Variants in TRIM23 observed in about 807,000 individuals in gnomAD.
The protein encoded by TRIM23 is tripartite motif containing 23.
A neutral mutation model predicts 71.0 loss-of-function variants in TRIM23; 27 were observed. The ratio of observed to expected loss-of-function variants is 0.38; its 90% CI spans 0.28 to 0.52. The LOEUF (loss-of-function observed/expected upper bound fraction) is 0.52. Among genes scored for constraint, TRIM23 ranks in the 20% least tolerant of loss-of-function variants. The pLI is 0.84. For missense variants in TRIM23, 482 were observed against 692.3 expected, an observed-to-expected ratio of 0.70 and a Z score of 3.41; for synonymous variants, 234 against 238.0, an observed-to-expected ratio of 0.98 and a Z score of 0.16.
In TRIM23 at chr5:65,597,142, C is replaced by T. The variant is rs1431229990; in HGVS notation, c.1218G>A (p.Arg406=). 6.8e-6 allele frequency: 11 copies of T among 1,613,978 alleles called. No individual in the cohort carries two copies. Among genetic ancestry groups the T allele is most frequent in the Non-Finnish European group, 9.3e-6 (11 of 1,179,996 alleles). ...CACCATCCAATCCTAACGTAACGAC[C>T]CGAATTTCCATTTTTGGTCCAATGT... ...RVHIGPKMEI[R]VVTLGLDGAG... The change falls in exon 8 of 11, where the codon CGG becomes CGA. Residue 406 remains arginine (R), a synonymous_variant. Transcript: ENST00000231524.
At chr5:65,607,838 T>C (rs1340299946) in intron 6 of TRIM23, among the ~76,000 whole-genome samples, 1 of 152,210 alleles carries the variant, frequency 6.6e-6, no homozygotes, top group African/African-American at 2.4e-5. Context: ...GTTAAACATG[T>C]ATTTATTAAG....
chr5:65,590,181 A>T lies in TRIM23; in HGVS notation c.*1588T>A. On this transcript the variant is annotated 3_prime_UTR_variant, in exon 11 of 11. Transcript: ENST00000231524. ...TAACTAGTAAACAGTTCAAGTTCTC[A>T]CAAGCAATACAACACCTTTTTTATT... 1.5e-6 allele frequency: 1 copy of T among 662,388 alleles called. No homozygotes were observed. The highest frequency in any genetic ancestry group is 2.5e-6 in the Non-Finnish European group (1 of 396,418). The allele number at this position is 662,388 out of a possible 1,614,324, so 41.0% of individuals were successfully genotyped here.
intron 4 of TRIM23, 34 bp downstream of exon 4, chr5:65,611,569 C>T (rs1754650414): frequency 6.3e-7 from 1 of 1,595,370 alleles, no homozygotes; most frequent in East Asian, 2.2e-5. Context: ...AAAGTAGCTA[C>T]AGTGATCCAA....
At chr5:65,605,869 A>C (rs1405836538) in intron 6 of TRIM23, among the ~76,000 whole-genome samples, 1 of 152,136 alleles carries the variant, frequency 6.6e-6, no homozygotes, top group Non-Finnish European at 1.5e-5. Context: ...ACAAACGCTG[A>C]AGTCATTATT....
At position 65,624,329 on chromosome 5, in the gene TRIM23, G is replaced by T; in HGVS notation, c.-55C>A. The T allele has an allele frequency of 1.9e-6, 3 of 1,592,674 alleles. No homozygotes were observed. The highest frequency in any genetic ancestry group is 2.6e-6 in the Non-Finnish European group (3 of 1,169,960). On this transcript the variant is annotated 5_prime_UTR_variant, in exon 1 of 11. Coordinates refer to ENST00000231524, the MANE Select transcript of TRIM23 (RefSeq NM_001656.4). Reference sequence around the variant, plus strand: ...CTTCAGAGTCCTCAACTGAGAGGCGGGGTTGAGCCACCTACCCAGAGGCCT... The same window carrying T: ...CTTCAGAGTCCTCAACTGAGAGGCGTGGTTGAGCCACCTACCCAGAGGCCT...
rs370310812 is a variant in TRIM23 at position 65,609,423 on chromosome 5, A to C, written c.864T>G (p.Ile288Met). Residue 288 changes from isoleucine (I) to methionine (M), a missense_variant, in exon 6 of 11, where the codon ATT becomes ATG. Ile to Met is a conservative substitution (Grantham distance 10). This residue lies in a region of TRIM23 where 307 missense variants were observed against 495.8 expected (regional missense o/e 0.62). Transcript: ENST00000231524. ...PGTAENARSC[I>M]RAYFYDLHET... is the part of the protein sequence containing the mutation. Reference sequence around the variant, plus strand: ...CATGTAGATCATAAAAATAAGCTCGAATACATGACCGGGCATTCTCTGCAG... The same window carrying C: ...CATGTAGATCATAAAAATAAGCTCGCATACATGACCGGGCATTCTCTGCAG... 6.2e-7 allele frequency: 1 copy of C among 1,614,160 alleles called. No individual in the cohort carries two copies. The highest frequency in any genetic ancestry group is 8.5e-7 in the Non-Finnish European group (1 of 1,180,028).
chr5:65,614,045 T>G, intron 3 of TRIM23, 53 bp downstream of exon 3: 1 of 1,592,744 alleles, frequency 6.3e-7, no homozygotes, highest in Non-Finnish European at 8.5e-7. Context: ...ATGGCATCTA[T>G]TAAAAGAAAA....
At position 65,594,645 on chromosome 5, in the gene TRIM23, G is replaced by A; in HGVS notation, c.1421C>T (p.Ala474Val). The A allele has an allele frequency of 3.2e-6, 5 of 1,539,374 alleles. No individual in the cohort carries two copies. The highest frequency in any genetic ancestry group is 2.3e-5 in the Admixed American group (1 of 43,990). The change falls in exon 10 of 11, where the codon GCT (alanine) becomes GTT (valine). Residue 474 changes from alanine (A) to valine (V), a missense_variant and splice_region_variant. Around this residue, in one of 2 missense-constraint regions of TRIM23, gnomAD observed 307 missense variants for 495.8 expected, o/e 0.62. Transcript: ENST00000231524. Reference protein sequence around the residue: ...LWKHYYLNTQAVVFVVDSSHR... With the variant: ...LWKHYYLNTQVVVFVVDSSHR... ...ACTGCTATCTACAACAAACACAACAGCTACCCAAAAAAAAATAAAAAAAAC... is the reference window on the plus strand; with the variant it reads ...ACTGCTATCTACAACAAACACAACAACTACCCAAAAAAAAATAAAAAAAAC...
In TRIM23 at chr5:65,624,207, G is replaced by C. The variant is rs758364716; in HGVS notation, c.68C>G (p.Thr23Arg). The C allele has an allele frequency of 6.2e-7, 1 of 1,614,210 alleles. No individual in the cohort carries two copies. The highest frequency in any genetic ancestry group is 8.5e-7 in the Non-Finnish European group (1 of 1,180,036). ...AAGGTCCCTCACCTTCACTACAGCTGTCCCCCGGCTGCCCTGCCGGCCACT... is the reference window on the plus strand; with the variant it reads ...AAGGTCCCTCACCTTCACTACAGCTCTCCCCCGGCTGCCCTGCCGGCCACT... ...VDSGRQGSRG[T>R]AVVKVLECGV... is the part of the protein sequence containing the mutation. Residue 23 changes from threonine (T) to arginine (R), a missense_variant, in exon 1 of 11, where the codon ACA becomes AGA. Around this residue, in one of 2 missense-constraint regions of TRIM23, gnomAD observed 175 missense variants for 196.5 expected, o/e 0.89. Coordinates refer to ENST00000231524, the MANE Select transcript of TRIM23 (RefSeq NM_001656.4).
chr5:65,624,081 C>G, intron 1 of TRIM23, 113 bp downstream of exon 1: 1 of 1,277,328 alleles, frequency 7.8e-7, no homozygotes, highest in South Asian at 1.3e-5. Flanking sequence ...AAAAGGGGCC[C>G]AGAGGCCGCG....
chr5:65,622,626 T>A (rs1011739961), intron 1 of TRIM23, among the ~76,000 whole-genome samples: 1 of 152,256 alleles, frequency 6.6e-6, no homozygotes, highest in South Asian at 2.1e-4. Context: ...CTTGCTTTCA[T>A]CTATAGAAAT....
intron 1 of TRIM23, among the ~76,000 whole-genome samples, chr5:65,623,376 A>G (rs1430955138): frequency 1.3e-5 from 2 of 152,214 alleles, no homozygotes; most frequent in African/African-American, 2.4e-5. Flanking sequence ...AGAATTATCA[A>G]TCTCTTAGAT....
intron 6 of TRIM23, chr5:65,606,898 G>C (rs767687429): frequency 6.6e-6 from 1 of 152,104 alleles, no homozygotes; most frequent in Non-Finnish European, 1.5e-5. Flanking sequence ...ATGGTTTATT[G>C]CCTGTCTTCT....
At chr5:65,612,129 T>C (rs79402340) in intron 3 of TRIM23, among the ~76,000 whole-genome samples, 5,028 of 152,318 alleles carry the variant, frequency 0.033, 276 homozygotes, top group African/African-American at 0.12. Context: ...ATAGAACTAT[T>C]CTCATAGATT....
At chr5:65,603,744 CT>C (rs1229760768) in intron 7 of TRIM23, among the ~76,000 whole-genome samples, 1 of 152,024 alleles carries the variant, frequency 6.6e-6, no homozygotes, top group Non-Finnish European at 1.5e-5. Context: ...CACATGAACA[CT>C]TTTTAATCAG....
chr5:65,606,468 CAAAA>C (rs1246379785), intron 6 of TRIM23, among the ~76,000 whole-genome samples: 1 of 58,928 alleles, frequency 1.7e-5, no homozygotes, highest in African/African-American at 6.9e-5. Context: ...CGCCCCCGGC[CAAAA>C]AAAAAAAAAA....
chr5:65,595,712 C>A (rs772420682), intron 9 of TRIM23, among the ~76,000 whole-genome samples: 2 of 142,864 alleles, frequency 1.4e-5, no homozygotes, highest in Non-Finnish European at 3.0e-5. Context: ...GGCAACAAAG[C>A]AAGATTCTGT....
At position 65,622,794 on chromosome 5, in the gene TRIM23, T is replaced by C. The variant is rs148334144; in HGVS notation, c.81+1400A>G. Among the ~76,000 whole-genome samples, 1,463 of 152,316 alleles carry C rather than the reference T, an allele frequency of 9.6e-3. 30 individuals are homozygous for C. Among genetic ancestry groups the C allele is most frequent in the African/African-American group, 0.034 (1,404 of 41,560 alleles). ...GCCTCCAATGTATCAAATTCTGTGC[T>C]GTAAGAAACTGGAGTTACATCAGGC... On this transcript the variant is annotated intron_variant, in intron 1 of 10. Transcript: ENST00000231524.
intron 8 of TRIM23, 91 bp downstream of exon 8, chr5:65,596,960 A>G: frequency 6.6e-7 from 1 of 1,504,198 alleles, no homozygotes; most frequent in East Asian, 2.3e-5. Flanking sequence ...AGAGCCCACC[A>G]CCATGACAGA....
Sources: allele counts gnomAD v4.1 joint callset (sites outside exome capture counted in the v4.1 genomes callset), GRCh38; gene constraint gnomAD v4.1.1; regional missense constraint gnomAD v4.1.1; transcripts MANE v1.5; gene names NCBI Gene and HGNC (gene_info 2026-07-23, HGNC 2026-07-21).